The following FHIT variants were observed in gnomAD, a reference collection of about 807,000 sequenced individuals.
The protein encoded by FHIT is fragile histidine triad diadenosine triphosphatase, also known as bis(5'-adenosyl)-triphosphatase.
FHIT carries 19 observed loss-of-function variants against 17.9 expected under a neutral mutation model. The ratio of observed to expected loss-of-function variants is 1.06; its 90% CI spans 0.74 to 1.56. FHIT has a LOEUF of 1.56. Ranked by LOEUF, FHIT falls within the 40% of genes most tolerant of loss-of-function variation. The pLI, the probability that FHIT is intolerant of heterozygous loss-of-function variation, is 0.00. For missense variants in FHIT, 248 were observed against 189.2 expected (o/e 1.31, Z -1.82); for synonymous variants, 81 against 69.7 (o/e 1.16, Z -0.81).
chr3:59,842,559 C>A (rs905772404), intron 8 of FHIT, among the ~76,000 whole-genome samples: 3 of 152,166 alleles, frequency 2.0e-5, no homozygotes, highest in African/African-American at 7.2e-5. Flanking sequence ...TCCAATTTCT[C>A]CATATCTTTG....
intron 3 of FHIT, among the ~76,000 whole-genome samples, chr3:60,925,118 A>G (rs534120270): frequency 3.3e-5 from 5 of 152,372 alleles, no homozygotes; most frequent in Admixed American, 2.6e-4. Flanking sequence ...GAATGGAACC[A>G]ACTTGCAAAA....
At chr3:60,163,829 G>A (rs1249694960) in intron 5 of FHIT, among the ~76,000 whole-genome samples, 1 of 152,090 alleles carries the variant, frequency 6.6e-6, no homozygotes, top group Non-Finnish European at 1.5e-5. Flanking sequence ...GTCCCTAGAG[G>A]ACAAAATCAC....
chr3:60,428,083 C>A (rs1363040550), intron 5 of FHIT, among the ~76,000 whole-genome samples: 1 of 152,088 alleles, frequency 6.6e-6, no homozygotes, highest in Non-Finnish European at 1.5e-5. Flanking sequence ...AACCTTAGTT[C>A]AAAATCTCTA....
intron 3 of FHIT, among the ~76,000 whole-genome samples, chr3:60,935,602 G>T (rs1009887887): frequency 1.8e-4 from 28 of 152,214 alleles, no homozygotes; most frequent in African/African-American, 6.8e-4. Context: ...GGCATTGGAT[G>T]TGTCCCGGCT....
intron 5 of FHIT, among the ~76,000 whole-genome samples, chr3:60,199,567 G>A (rs1017270075): frequency 6.6e-6 from 1 of 152,074 alleles, no homozygotes; most frequent in Admixed American, 6.6e-5. Context: ...AGGGGTAATA[G>A]CGAGAGAATT....
rs1205406920 is a variant in FHIT at position 60,014,012 on chromosome 3, T to A, written c.244A>T (p.Met82Leu). Reference sequence around the variant, plus strand: ...TGAGAAATCTGTACACTCACCTGCATGGAAAAGGTGAGAGAGGTCCCATGG... The same window carrying A: ...TGAGAAATCTGTACACTCACCTGCAAGGAAAAGGTGAGAGAGGTCCCATGG... ...HFHGTSLTFS[M>L]QDGPEAGQTV... The change falls in exon 6 of 10, where the codon ATG (methionine) becomes TTG (leucine). Residue 82 changes from methionine to leucine, a missense_variant. Met to Leu is a conservative substitution (Grantham distance 15). Coordinates refer to ENST00000492590, the MANE Select transcript of FHIT (RefSeq NM_002012.4). 2.5e-6 allele frequency: 4 copies of A among 1,613,634 alleles called. No individual in the cohort carries two copies. Among genetic ancestry groups the A allele is most frequent in the East Asian group, 4.5e-5 (2 of 44,842 alleles).
intron 8 of FHIT, among the ~76,000 whole-genome samples, chr3:59,902,759 C>G (rs1269528723): frequency 6.6e-6 from 1 of 152,050 alleles, no homozygotes; most frequent in South Asian, 2.1e-4. Flanking sequence ...CTGTTAGAAA[C>G]AGAGCATGGA....
chr3:60,760,958 T>C (rs1699628431), intron 4 of FHIT, among the ~76,000 whole-genome samples: 1 of 151,148 alleles, frequency 6.6e-6, no homozygotes, highest in Non-Finnish European at 1.5e-5. Flanking sequence ...TTAGACTCTT[T>C]CTCATTTAGC....
intron 5 of FHIT, among the ~76,000 whole-genome samples, chr3:60,043,758 T>C (rs748560940): frequency 8.5e-5 from 13 of 152,220 alleles, no homozygotes; most frequent in Non-Finnish European, 1.2e-4. Flanking sequence ...TAGACAGTTA[T>C]GGCTTTTTCT....
chr3:61,128,858 A>G (rs979934885), intron 2 of FHIT, among the ~76,000 whole-genome samples: 3 of 152,058 alleles, frequency 2.0e-5, no homozygotes, highest in African/African-American at 7.2e-5. Context: ...CCAATGCTCA[A>G]CTCGAAAGTT....
chr3:59,861,908 G>A (rs1374724365), intron 8 of FHIT, among the ~76,000 whole-genome samples: 2 of 151,982 alleles, frequency 1.3e-5, no homozygotes, highest in Non-Finnish European at 2.9e-5. Flanking sequence ...CCTTTGCTTT[G>A]TGTTAAAGTG....
At chr3:60,946,725 T>C (rs1374735196) in intron 3 of FHIT, among the ~76,000 whole-genome samples, 1 of 151,990 alleles carries the variant, frequency 6.6e-6, no homozygotes, top group African/African-American at 2.4e-5. Flanking sequence ...CAATGAACAA[T>C]ACCAGAAGAC....
At chr3:60,143,710 G>T (rs550341026) in intron 5 of FHIT, among the ~76,000 whole-genome samples, 1 of 148,736 alleles carries the variant, frequency 6.7e-6, no homozygotes, top group Non-Finnish European at 1.5e-5. Context: ...CTTCTAAATG[G>T]CTTACCATAA....
rs537574918 is a variant in FHIT, at chr3:60,370,548, G to A, written c.103+166312C>T. On this transcript the variant is annotated intron_variant, in intron 5 of 9. Coordinates refer to ENST00000492590, the MANE Select transcript of FHIT (RefSeq NM_002012.4). ...CAACAGAATTCCTTCTCTTGTTCCC[G>A]CAAAAATCTGTACCTCTTCCTGAAT... Among the ~76,000 whole-genome samples the A allele has an allele frequency of 2.6e-5, 4 of 152,060 alleles. No homozygotes were observed. In the East Asian group the frequency reaches 5.8e-4, roughly 22 times the overall value.
chr3:60,788,828 A>T lies in FHIT; in HGVS notation c.-18+33091T>A, dbSNP rs188378508. On this transcript the variant is annotated intron_variant, in intron 4 of 9. Transcript: ENST00000492590. ...CTCAGGTAAAAATCCTGACAGAGAA[A>T]TAATAGATACACAAATATAAATATA... Among the ~76,000 whole-genome samples, 12 of 152,274 alleles carry T rather than the reference A, an allele frequency of 7.9e-5. No individual in the cohort carries two copies. The East Asian group carries it at 2.1e-3, about 27-fold the overall frequency.
chr3:60,778,004 G>C (rs1553724877), intron 4 of FHIT, among the ~76,000 whole-genome samples: 1 of 152,122 alleles, frequency 6.6e-6, no homozygotes. Flanking sequence ...AAATACTTCA[G>C]AGGGCCCCCG....
At chr3:60,852,831 C>T (rs1185723129) in intron 3 of FHIT, among the ~76,000 whole-genome samples, 1 of 151,894 alleles carries the variant, frequency 6.6e-6, no homozygotes, top group Non-Finnish European at 1.5e-5. Context: ...TAGTGAGACC[C>T]TATCCCCTAA....
At chr3:59,890,770 C>T (rs1367440593) in intron 8 of FHIT, among the ~76,000 whole-genome samples, 2 of 152,122 alleles carry the variant, frequency 1.3e-5, no homozygotes, top group Admixed American at 6.5e-5. Flanking sequence ...ATCTCTCTTC[C>T]GTTAGTTTCA....
intron 2 of FHIT, among the ~76,000 whole-genome samples, chr3:61,134,439 T>A (rs1348395842): frequency 6.6e-6 from 1 of 152,086 alleles, no homozygotes; most frequent in Non-Finnish European, 1.5e-5. Context: ...AAACAGGATA[T>A]AATGGTCTGT....
Sources: allele counts gnomAD v4.1 joint callset (sites outside exome capture counted in the v4.1 genomes callset), GRCh38; gene constraint gnomAD v4.1.1; transcripts MANE v1.5; gene names NCBI Gene and HGNC (gene_info 2026-07-23, HGNC 2026-07-21).